Variants in BPIFB2 observed in about 807,000 individuals in gnomAD.
The protein encoded by BPIFB2 is BPI fold containing family B member 2.
Under a neutral mutation model 50.1 loss-of-function variants are expected in BPIFB2, and 39 were observed. The observed-to-expected ratio is 0.78, with a 90% CI of 0.60 to 1.02. The LOEUF is 1.02. Among genes scored for constraint, BPIFB2 ranks in the 50% least tolerant of loss-of-function variants. BPIFB2 has a pLI of 0.00. For missense variants in BPIFB2, 574 were observed against 585.8 expected, an observed-to-expected ratio of 0.98 and a Z score of 0.21; for synonymous variants, 280 against 256.3, an observed-to-expected ratio of 1.09 and a Z score of -0.88.
rs1990252032 is a variant in BPIFB2, at chr20:33,009,105, G to T, written c.109+422G>T. Among the ~76,000 whole-genome samples the T allele has an allele frequency of 6.6e-6, 1 of 152,202 alleles. No individual in the cohort carries two copies. Among genetic ancestry groups the T allele is most frequent in the Non-Finnish European group, 1.5e-5 (1 of 68,040 alleles). On this transcript the variant is annotated intron_variant, in intron 2 of 15. Transcript: ENST00000170150. The surrounding 1 kb of genome is among the most constrained non-coding windows in gnomAD (Gnocchi z 4.2). ...GCACAGGTACGGCTGTTCACCCTGG[G>T]TGTACACGTTTGCGTATGTGGTGTG...
At chr20:33,018,597 C>A (rs528983082) in intron 8 of BPIFB2, 40 bp from the exon 9 acceptor site, 1 of 1,560,908 alleles carries the variant, frequency 6.4e-7, no homozygotes, top group African/African-American at 1.4e-5. Context: ...GTGCTGAGGC[C>A]CTGCTGCTTT....
rs759318833 is a variant in BPIFB2 at position 33,019,853 on chromosome 20, G to A, written c.1080+103G>A. 246 of 1,338,412 alleles carry A rather than the reference G, an allele frequency of 1.8e-4. 1 individual carries two copies. Among genetic ancestry groups the A allele is most frequent in the Non-Finnish European group, 2.3e-4 (232 of 1,008,124 alleles). 82.9% of individuals were successfully genotyped at this position (1,338,412 alleles called of 1,614,324 possible). A position where few individuals can be genotyped will look rare whatever the true frequency, so the allele number is the denominator to read the frequency against. ...TTGCTCTACTCACACTATTGTCTTC[G>A]CTGTTCCTTGAATGTGTCAGGACAC... On this transcript the variant is annotated intron_variant, in intron 11 of 15. Coordinates refer to ENST00000170150, the MANE Select transcript of BPIFB2 (RefSeq NM_025227.3).
At chr20:33,021,372 G>A (rs368219690) in intron 14 of BPIFB2, 28 bp downstream of exon 14, 112 of 1,591,102 alleles carry the variant, frequency 7.0e-5, no homozygotes, top group Non-Finnish European at 9.3e-5. Context: ...CCCCAGCAGG[G>A]CCCCTCTGGC....
chr20:33,015,364 G>A (rs1600512951), intron 5 of BPIFB2, 72 bp from the exon 6 acceptor site: 27 of 1,393,390 alleles, frequency 1.9e-5, no homozygotes, highest in East Asian at 1.6e-4. Context: ...CTTCCCAGAC[G>A]TGCGACTGTG....
Position 33,008,522 on chromosome 20 carries a change from A to G in BPIFB2, c.-34-19A>G. 1 of 1,466,668 alleles carries G rather than the reference A, an allele frequency of 6.8e-7. No individual in the cohort carries two copies. Among genetic ancestry groups the G allele is most frequent in the South Asian group, 1.3e-5 (1 of 77,054 alleles). The allele number at this position is 1,466,668 out of a possible 1,614,324, so 90.9% of individuals were successfully genotyped here. A position where few individuals can be genotyped will look rare whatever the true frequency, so the allele number is the denominator to read the frequency against. ...TGGGCTGTTTTGGCTGAGCTCCCTG[A>G]TGCTCATTTCTACCCCAGCCCACAG... On this transcript the variant is annotated intron_variant, in intron 1 of 15. Coordinates refer to ENST00000170150, the MANE Select transcript of BPIFB2 (RefSeq NM_025227.3).
In BPIFB2 at chr20:33,011,104, C is replaced by T; in HGVS notation, c.190C>T (p.Leu64Phe). The change falls in exon 3 of 16, where the codon CTT becomes TTT. Residue 64 changes from leucine to phenylalanine, a missense_variant. Transcript: ENST00000170150. ...TTTCCTGGACTGGAGTGGAGAGGCG[C>T]TTCAGCCCACCAGGTGAGTGCTCCC... ...PHFLDWSGEA[L>F]QPTRIRILNV... 7 of 1,613,848 alleles carry T rather than the reference C, an allele frequency of 4.3e-6. No homozygotes were observed. In the East Asian group the frequency reaches 1.6e-4, roughly 36 times the overall value.
intron 2 of BPIFB2, 21 bp from the exon 3 acceptor site, chr20:33,011,003 C>T (rs1365603417): frequency 6.2e-7 from 1 of 1,609,628 alleles, no homozygotes; most frequent in Non-Finnish European, 8.5e-7. Context: ...ACCCTGACCT[C>T]ACTCTACCCT....
In BPIFB2 at chr20:33,023,284, G is replaced by A. The variant is rs374727938; in HGVS notation, c.1336-58G>A. 2.0e-4 allele frequency: 309 copies of A among 1,543,588 alleles called. 3 individuals are homozygous for A. The South Asian group carries it at 2.0e-3, about 10-fold the overall frequency. On this transcript the variant is annotated intron_variant, in intron 15 of 15. Coordinates refer to ENST00000170150, the MANE Select transcript of BPIFB2 (RefSeq NM_025227.3). Reference sequence around the variant, plus strand: ...GAACTCAGAGCCAGGCTGAGGGGGCGGCTGGGGTCCTGCCTGTGCCTCCTC... The same window carrying A: ...GAACTCAGAGCCAGGCTGAGGGGGCAGCTGGGGTCCTGCCTGTGCCTCCTC...
chr20:33,022,289 C>T (rs1052984716), intron 15 of BPIFB2, among the ~76,000 whole-genome samples: 1 of 152,212 alleles, frequency 6.6e-6, no homozygotes, highest in Admixed American at 6.5e-5. Flanking sequence ...ATTCAGTCAG[C>T]AAGACATGCC....
intron 15 of BPIFB2, among the ~76,000 whole-genome samples, chr20:33,022,451 C>T (rs902160809): frequency 2.6e-5 from 4 of 152,208 alleles, no homozygotes; most frequent in Non-Finnish European, 5.9e-5. Context: ...TATCCGCCCC[C>T]ATGAGAAGGA....
chr20:33,023,191 G>A (rs1204984016), intron 15 of BPIFB2, 151 bp from the exon 16 acceptor site: 2 of 707,678 alleles, frequency 2.8e-6, no homozygotes, highest in Non-Finnish European at 4.8e-6. Context: ...CAAAGTGACA[G>A]ACTGGTAAAC....
At chr20:33,014,653 C>T (rs1011315118) in intron 5 of BPIFB2, among the ~76,000 whole-genome samples, 2 of 152,178 alleles carry the variant, frequency 1.3e-5, no homozygotes, top group Non-Finnish European at 1.5e-5. Flanking sequence ...CCAATGTGAG[C>T]GGGGCTTGCT....
intron 5 of BPIFB2, 123 bp downstream of exon 5, chr20:33,014,079 T>C (rs1600512318): frequency 1.5e-6 from 2 of 1,295,396 alleles, no homozygotes; most frequent in Non-Finnish European, 2.1e-6. Context: ...CCCCCATTAT[T>C]GTGCTTGTTT....
intron 6 of BPIFB2, among the ~76,000 whole-genome samples, chr20:33,016,727 C>A (rs1268113450): frequency 6.6e-6 from 1 of 152,266 alleles, no homozygotes; most frequent in Admixed American, 6.5e-5. Context: ...AGCCCCGTTG[C>A]AGCAGATTCC....
intron 2 of BPIFB2, among the ~76,000 whole-genome samples, 177 bp from the exon 3 acceptor site, chr20:33,010,847 T>C (rs1990276119): frequency 6.6e-6 from 1 of 151,954 alleles, no homozygotes. Context: ...ATGCGAGTGG[T>C]GCACCCAAGG....
At chr20:33,015,300 T>C in intron 5 of BPIFB2, 136 bp from the exon 6 acceptor site, 2 of 674,018 alleles carry the variant, frequency 3.0e-6, no homozygotes, top group Middle Eastern at 4.3e-4. Flanking sequence ...GTCTGGCAGA[T>C]GGCAGGGCAT....
chr20:33,012,444 T>C (rs1454622184), intron 3 of BPIFB2, among the ~76,000 whole-genome samples: 1 of 152,202 alleles, frequency 6.6e-6, no homozygotes, highest in Non-Finnish European at 1.5e-5. Context: ...CTGCAGACAT[T>C]GACTAGGATA....
In BPIFB2 at chr20:33,021,767, C is replaced by T. The variant is rs764224548; in HGVS notation, c.1303C>T (p.His435Tyr). 6.2e-7 allele frequency: 1 copy of T among 1,614,150 alleles called. No homozygotes were observed. Among genetic ancestry groups the T allele is most frequent in the Non-Finnish European group, 8.5e-7 (1 of 1,179,994 alleles). Residue 435 changes from histidine to tyrosine, a missense_variant, in exon 15 of 16, where the codon CAC becomes TAC. His to Tyr is a moderately conservative substitution (Grantham distance 83, BLOSUM62 2). Transcript: ENST00000170150. The part of the protein sequence containing the change: ...GIALPGVVNL[H>Y]YVAPEIFVYE... ...TGCCCTCCCTGGTGTGGTCAACCTC[C>T]ACTATGTCGCCCCTGAGATCTTTGT...
rs371203471 is a variant in BPIFB2 at position 33,020,327 on chromosome 20, G to C, written c.1081-1G>C. ...TGACCCTGCTCTCCCCATGTGCCCAGGTAGTGAACTTGAGACTCCAGCTCT... is the reference window on the plus strand; with the variant it reads ...TGACCCTGCTCTCCCCATGTGCCCACGTAGTGAACTTGAGACTCCAGCTCT... On this transcript the variant is annotated splice_acceptor_variant, in intron 11 of 15. Transcript: ENST00000170150. LOFTEE classifies it high-confidence loss of function. 9.9e-6 allele frequency: 16 copies of C among 1,614,124 alleles called. No homozygotes were observed. Among genetic ancestry groups the C allele is most frequent in the Non-Finnish European group, 1.3e-5 (15 of 1,179,982 alleles).
Sources: gnomAD v4.1 joint callset for allele counts (sites outside exome capture counted in the v4.1 genomes callset) on GRCh38, gnomAD v4.1.1 for gene constraint, Gnocchi (gnomAD v3.1) non-coding constraint, MANE v1.5 for transcripts, NCBI Gene and HGNC (gene_info 2026-07-23, HGNC 2026-07-21) for gene names.